Variants in MAGI1 observed in about 807,000 individuals in gnomAD.
The protein encoded by MAGI1 is membrane-associated guanylate kinase, WW and PDZ domain-containing protein 1.
In MAGI1, 58 loss-of-function variants were observed where a neutral mutation model predicts 139.9. The ratio of observed to expected loss-of-function variants is 0.41; its 90% CI spans 0.34 to 0.52. The LOEUF (loss-of-function observed/expected upper bound fraction) is 0.52. Ranked by LOEUF, MAGI1 falls within the 20% of genes least tolerant of loss-of-function variation. The probability of loss-of-function intolerance (pLI) is 0.12; values close to 1 mark genes in which losing one functional copy is unlikely to be tolerated. For missense variants in MAGI1, 1,874 were observed against 1,901.6 expected (o/e 0.99, Z 0.27); for synonymous variants, 812 against 737.9 (o/e 1.10, Z -1.63).
At chr3:65,850,172 T>A (rs2059154321) in intron 1 of MAGI1, among the ~76,000 whole-genome samples, 1 of 152,200 alleles carries the variant, frequency 6.6e-6, no homozygotes, top group African/African-American at 2.4e-5. Context: ...TTTAAATGTA[T>A]GTTACAGAAC....
At chr3:65,939,039 C>T (rs1010650909) in intron 1 of MAGI1, among the ~76,000 whole-genome samples, 10 of 152,062 alleles carry the variant, frequency 6.6e-5, no homozygotes, top group African/African-American at 2.4e-4. Flanking sequence ...TTCGTTTGCG[C>T]CCCCATCCCA....
intron 12 of MAGI1, among the ~76,000 whole-genome samples, chr3:65,421,690 C>G (rs1014290384): frequency 8.5e-5 from 13 of 152,128 alleles, no homozygotes; most frequent in Non-Finnish European, 1.5e-5. Context: ...CCTTAAATAA[C>G]ATCAGTCTAG....
chr3:65,662,867 G>T (rs1290293578), intron 1 of MAGI1, among the ~76,000 whole-genome samples: 2 of 152,056 alleles, frequency 1.3e-5, no homozygotes, highest in Non-Finnish European at 2.9e-5. Context: ...CCAACTCCCT[G>T]CCCCTGGTAA....
chr3:65,797,162 G>A (rs1425329454), intron 1 of MAGI1, among the ~76,000 whole-genome samples: 1 of 152,194 alleles, frequency 6.6e-6, no homozygotes, highest in Non-Finnish European at 1.5e-5. Flanking sequence ...CTCAGTCTCT[G>A]AGATACAAGG....
intron 1 of MAGI1, among the ~76,000 whole-genome samples, chr3:65,852,213 T>C (rs1183676482): frequency 6.6e-6 from 1 of 152,146 alleles, no homozygotes; most frequent in Non-Finnish European, 1.5e-5. Context: ...CTTGCCAAGG[T>C]TATCCTGCTG....
chr3:65,660,641 C>T (rs1294950794), intron 1 of MAGI1, among the ~76,000 whole-genome samples: 1 of 152,164 alleles, frequency 6.6e-6, no homozygotes, highest in African/African-American at 2.4e-5. Context: ...TTGTTCTTAA[C>T]ATATAATTAC....
intron 2 of MAGI1, among the ~76,000 whole-genome samples, chr3:65,603,378 C>T (rs1288586517): frequency 6.6e-6 from 1 of 151,978 alleles, no homozygotes; most frequent in South Asian, 2.1e-4. Context: ...TCAAAGGGGA[C>T]AATGAAATTC....
chr3:65,439,520 GC>G (rs1948090247), intron 9 of MAGI1, among the ~76,000 whole-genome samples: 1 of 152,076 alleles, frequency 6.6e-6, no homozygotes. Context: ...TTAGTTTCAT[GC>G]CCAGTAACTC....
At chr3:65,797,489 G>A (rs553208494) in intron 1 of MAGI1, among the ~76,000 whole-genome samples, 22 of 152,248 alleles carry the variant, frequency 1.4e-4, no homozygotes, top group African/African-American at 5.1e-4. Context: ...TTGAGCAGTC[G>A]AGCCATGCAG....
At chr3:65,842,305 C>T (rs1286950958) in intron 1 of MAGI1, among the ~76,000 whole-genome samples, 2 of 151,864 alleles carry the variant, frequency 1.3e-5, no homozygotes, top group East Asian at 1.9e-4. Flanking sequence ...GGAATTCACA[C>T]CTGTTTTCTC....
chr3:65,753,660 C>T (rs1420735899), intron 1 of MAGI1, among the ~76,000 whole-genome samples: 1 of 149,282 alleles, frequency 6.7e-6, no homozygotes, highest in Admixed American at 6.8e-5. Context: ...GGCAGAGGTT[C>T]CAGTGAGCCA....
At chr3:66,018,544 G>A (rs2067791074) in intron 1 of MAGI1, among the ~76,000 whole-genome samples, 1 of 152,194 alleles carries the variant, frequency 6.6e-6, no homozygotes, top group African/African-American at 2.4e-5. Context: ...AAGGGCCGGT[G>A]AAGGAATTGA....
chr3:65,794,544 CA>C (rs2039995919), intron 1 of MAGI1, among the ~76,000 whole-genome samples: 1 of 152,060 alleles, frequency 6.6e-6, no homozygotes, highest in South Asian at 2.1e-4. Flanking sequence ...GAATGAAAAT[CA>C]AAACCCTCAT....
intron 1 of MAGI1, among the ~76,000 whole-genome samples, chr3:65,684,548 A>G (rs2087856044): frequency 6.6e-6 from 1 of 152,134 alleles, no homozygotes. Flanking sequence ...TATAGAAGGG[A>G]TTTTGGTGGT....
intron 1 of MAGI1, among the ~76,000 whole-genome samples, chr3:65,770,594 G>C (rs2037866217): frequency 6.6e-6 from 1 of 152,146 alleles, no homozygotes; most frequent in Non-Finnish European, 1.5e-5. Context: ...CTGAGGGACA[G>C]GTATGAAAGA....
At chr3:66,037,409 C>T (rs1459082588) in intron 1 of MAGI1, among the ~76,000 whole-genome samples, 2 of 152,086 alleles carry the variant, frequency 1.3e-5, no homozygotes, top group African/African-American at 4.8e-5. Context: ...TATGGCTGAG[C>T]CACACGGTGG....
At chr3:65,429,170 C>T (rs1440156692) in intron 12 of MAGI1, among the ~76,000 whole-genome samples, 1 of 151,708 alleles carries the variant, frequency 6.6e-6, no homozygotes, top group Non-Finnish European at 1.5e-5. Context: ...AATATGTTGC[C>T]CAGTCTGGAC....
At chr3:65,629,754 A>AT (rs981478960) in intron 1 of MAGI1, among the ~76,000 whole-genome samples, 2 of 152,088 alleles carry the variant, frequency 1.3e-5, no homozygotes, top group African/African-American at 4.8e-5. Flanking sequence ...ATTTTTCTAT[A>AT]TTTTTTTCTT....
intron 1 of MAGI1, among the ~76,000 whole-genome samples, chr3:65,743,911 C>A (rs933421948): frequency 6.6e-6 from 1 of 151,476 alleles, no homozygotes; most frequent in Non-Finnish European, 1.5e-5. Context: ...ATAATATATA[C>A]TCACCAAGAC....
Sources: allele counts gnomAD v4.1 joint callset (sites outside exome capture counted in the v4.1 genomes callset), GRCh38; gene constraint gnomAD v4.1.1; transcripts MANE v1.5; gene names NCBI Gene and HGNC (gene_info 2026-07-23, HGNC 2026-07-21).